The following CFAP100 variants were observed in gnomAD, a reference collection of about 807,000 sequenced individuals.
CFAP100 encodes the protein cilia- and flagella-associated protein 100.
Under a neutral mutation model 81.5 loss-of-function variants are expected in CFAP100, and 70 were observed. The ratio of observed to expected loss-of-function variants is 0.86; its 90% CI spans 0.71 to 1.05. CFAP100 has a LOEUF of 1.05. CFAP100 is among the 50% of genes least tolerant of loss of function. CFAP100 has a pLI of 0.00. For synonymous variants in CFAP100, 341 were observed against 314.8 expected (o/e 1.08, Z -0.88); for missense variants, 811 against 776.5 (o/e 1.04, Z -0.53).
At chr3:126,432,909 C>A in intron 13 of CFAP100, 160 bp from the exon 14 acceptor site, 1 of 572,568 alleles carries the variant, frequency 1.7e-6, no homozygotes, top group Non-Finnish European at 2.8e-6. Flanking sequence ...ATTCTACCAG[C>A]ATTTCTGACC....
chr3:126,422,602 C>T (rs1044247907), intron 11 of CFAP100, among the ~76,000 whole-genome samples: 2 of 152,150 alleles, frequency 1.3e-5, no homozygotes, highest in Non-Finnish European at 2.9e-5. Context: ...CGAGTGGGGC[C>T]TTCTGGGGCC....
Position 126,435,664 on chromosome 3 carries a change from C to CT in CFAP100, c.1722+12_1722+13insT, listed in dbSNP as rs1933417829. ...AGATCAAGAAGAAGGTAGGCAGGGT[C>CT]GCCTTGGGGGGTCTCTGCTGGAGGG... On this transcript the variant is annotated intron_variant, in intron 16 of 16. Coordinates refer to ENST00000352312, the MANE Select transcript of CFAP100 (RefSeq NM_182628.3). 6.2e-7 allele frequency: 1 copy of CT among 1,606,450 alleles called. No individual in the cohort carries two copies. The highest frequency in any genetic ancestry group is 1.7e-4 in the Middle Eastern group (1 of 6,018).
chr3:126,424,568 T>C (rs2083382203), intron 13 of CFAP100, among the ~76,000 whole-genome samples: 1 of 152,216 alleles, frequency 6.6e-6, no homozygotes. Flanking sequence ...GTGAGGCATG[T>C]CCAGAGCAGG....
At position 126,434,379 on chromosome 3, in the gene CFAP100, C is replaced by A; in HGVS notation, c.1626C>A (p.Ile542=). The change falls in exon 15 of 17, where the codon ATC becomes ATA. Residue 542 remains isoleucine (I), a splice_region_variant and synonymous_variant. Transcript: ENST00000352312. The part of the protein sequence containing the change: ...AERAKEKERR[I]RLREEKLQMQ... ...GGGCAAAGGAGAAGGAGCGGCGCAT[C>A]AGGTGAGCTCTAGGCTCTCCCTGCC... 2 of 1,611,956 alleles carry A rather than the reference C, an allele frequency of 1.2e-6. No individual in the cohort carries two copies. The highest frequency in any genetic ancestry group is 1.1e-5 in the South Asian group (1 of 90,684).
chr3:126,435,800 C>T lies in CFAP100; in HGVS notation c.1722+148C>T, dbSNP rs538450922. The stretch of plus-strand genomic sequence containing the variant: ...GAGACAGGCTGCCTTCGGAGCAAGG[C>T]CTCTCCCAGGACCTGCTTCCTGCAG... On this transcript the variant is annotated intron_variant, in intron 16 of 16. Transcript: ENST00000352312. 76 of 620,990 alleles carry T rather than the reference C, an allele frequency of 1.2e-4. No homozygotes were observed. The South Asian group carries it at 1.7e-3, about 13-fold the overall frequency. The allele number at this position is 620,990 out of a possible 1,614,324, so 38.5% of individuals were successfully genotyped here. A position where few individuals can be genotyped will look rare whatever the true frequency, so the allele number is the denominator to read the frequency against.
rs1289230662 is a variant in CFAP100 at position 126,436,348 on chromosome 3, T to A, written c.1780T>A (p.Ser594Thr). ...RPPAHRIKQQ[S>T]EHTLMDKEEE... ...CCCAGCCCACAGGATCAAACAACAGTCTGAGCACACACTGATGGACAAGGA... is the reference window on the plus strand; with the variant it reads ...CCCAGCCCACAGGATCAAACAACAGACTGAGCACACACTGATGGACAAGGA... Residue 594 changes from serine to threonine, a missense_variant, in exon 17 of 17, where the codon TCT (serine) becomes ACT (threonine). By Grantham distance (58) the Ser-to-Thr change is moderately conservative (BLOSUM62 1). Coordinates refer to ENST00000352312, the MANE Select transcript of CFAP100 (RefSeq NM_182628.3). 5.0e-6 allele frequency: 8 copies of A among 1,614,070 alleles called. No homozygotes were observed. Among genetic ancestry groups the A allele is most frequent in the Non-Finnish European group, 6.8e-6 (8 of 1,179,998 alleles).
chr3:126,407,415 A>G (rs757467864), intron 3 of CFAP100, among the ~76,000 whole-genome samples, 163 bp downstream of exon 3: 1 of 152,226 alleles, frequency 6.6e-6, no homozygotes, highest in Non-Finnish European at 1.5e-5. Context: ...GCATGTAAAC[A>G]AAGTAGGATT....
intron 3 of CFAP100, among the ~76,000 whole-genome samples, chr3:126,411,697 T>C (rs1484184451): frequency 1.3e-5 from 2 of 152,258 alleles, no homozygotes; most frequent in Non-Finnish European, 1.5e-5. Flanking sequence ...TTTGTGCACA[T>C]ACATGTTCGT....
At chr3:126,414,231 T>G in intron 4 of CFAP100, 52 bp downstream of exon 4, 3 of 1,331,914 alleles carry the variant, frequency 2.3e-6, no homozygotes, top group Non-Finnish European at 3.3e-6. Flanking sequence ...CTGCTCCCAC[T>G]GCTTCCTGGA....
chr3:126,423,495 A>C lies in CFAP100; in HGVS notation c.1137A>C (p.Glu379Asp). 6.2e-7 allele frequency: 1 copy of C among 1,614,060 alleles called. No individual in the cohort carries two copies. Among genetic ancestry groups the C allele is most frequent in the Non-Finnish European group, 8.5e-7 (1 of 1,179,986 alleles). The stretch of plus-strand genomic sequence containing the variant: ...CTGCCAAAACCTGTGGGTTGCAGGA[A>C]CCACAGCTGTACTTCACGGAGCCCC... ...TQEDTDSDGE[E>D]PQLYFTEPQQ... Residue 379 changes from glutamate to aspartate, a missense_variant and splice_region_variant, in exon 13 of 17, where the codon GAA becomes GAC. Coordinates refer to ENST00000352312, the MANE Select transcript of CFAP100 (RefSeq NM_182628.3).
chr3:126,421,056 G>A (rs2083323373), intron 11 of CFAP100, among the ~76,000 whole-genome samples: 1 of 152,202 alleles, frequency 6.6e-6, no homozygotes. Context: ...AGGCTGGAGT[G>A]CAGTGGTGTG....
chr3:126,425,350 C>A (rs2083390681), intron 13 of CFAP100, among the ~76,000 whole-genome samples: 1 of 152,138 alleles, frequency 6.6e-6, no homozygotes, highest in Non-Finnish European at 1.5e-5. Context: ...AAAATATAGT[C>A]TTAAAAATAT....
intron 13 of CFAP100, among the ~76,000 whole-genome samples, chr3:126,427,558 C>T (rs938388): frequency 1.6e-4 from 25 of 152,292 alleles, no homozygotes; most frequent in Admixed American, 7.8e-4. Flanking sequence ...GTTTTCAACT[C>T]ATTTGGGTAA....
chr3:126,416,108 C>T (rs2083232582), intron 4 of CFAP100, among the ~76,000 whole-genome samples: 2 of 152,196 alleles, frequency 1.3e-5, no homozygotes, highest in Admixed American at 6.5e-5. Context: ...TGTGTTTGAC[C>T]TAGGGACCCT....
At chr3:126,432,921 C>T in intron 13 of CFAP100, 148 bp from the exon 14 acceptor site, 1 of 676,758 alleles carries the variant, frequency 1.5e-6, no homozygotes, top group Non-Finnish European at 2.3e-6. Flanking sequence ...TTTCTGACCC[C>T]CTGGGCATGC....
chr3:126,414,225 T>C (rs749665528), intron 4 of CFAP100, 46 bp downstream of exon 4: 6 of 1,367,394 alleles, frequency 4.4e-6, no homozygotes, highest in Admixed American at 1.7e-5. Flanking sequence ...GCTTCCCTGC[T>C]CCCACTGCTT....
intron 2 of CFAP100, among the ~76,000 whole-genome samples, chr3:126,399,290 A>G (rs1481319690): frequency 6.6e-6 from 1 of 152,206 alleles, no homozygotes; most frequent in Admixed American, 6.5e-5. Flanking sequence ...CACAGGCCTC[A>G]GTCAAAACCT....
rs1933450831 is a variant in CFAP100 at position 126,436,457 on chromosome 3, A to T, written c.*53A>T. On this transcript the variant is annotated 3_prime_UTR_variant, in exon 17 of 17. Coordinates refer to ENST00000352312, the MANE Select transcript of CFAP100 (RefSeq NM_182628.3). Reference sequence around the variant, plus strand: ...GAAGGCTTAGCAAAGATGTTGGCAGAGGAAGCAGAGACTGGGCTGGGTCTC... The same window carrying T: ...GAAGGCTTAGCAAAGATGTTGGCAGTGGAAGCAGAGACTGGGCTGGGTCTC... 7.0e-7 allele frequency: 1 copy of T among 1,424,992 alleles called. No homozygotes were observed. The allele number at this position is 1,424,992 out of a possible 1,614,324, so 88.3% of individuals were successfully genotyped here.
At chr3:126,419,900 T>G in intron 9 of CFAP100, 80 bp from the exon 10 acceptor site, 1 of 1,611,040 alleles carries the variant, frequency 6.2e-7, no homozygotes, top group Non-Finnish European at 8.5e-7. Context: ...GCAGGTTACC[T>G]GCAGGCATCT....
Sources: allele counts gnomAD v4.1 joint callset (sites outside exome capture counted in the v4.1 genomes callset), GRCh38; gene constraint gnomAD v4.1.1; transcripts MANE v1.5; gene names NCBI Gene and HGNC (gene_info 2026-07-23, HGNC 2026-07-21).